SLC35F4: variants seen among roughly 807,000 people sequenced by gnomAD.
The protein encoded by SLC35F4 is solute carrier family 35 member F4, also known as chromosome 14 open reading frame 36.
SLC35F4 carries 24 observed loss-of-function variants against 44.2 expected under a neutral mutation model. The ratio of observed to expected loss-of-function variants is 0.54; its 90% confidence interval spans 0.39 to 0.76. SLC35F4 has a LOEUF of 0.76. Among genes scored for constraint, SLC35F4 ranks in the 30% least tolerant of loss-of-function variants. SLC35F4 has a pLI of 0.00. For synonymous variants in SLC35F4, 238 were observed against 223.6 expected (o/e 1.06, Z -0.57); for missense variants, 562 against 586.1 (o/e 0.96, Z 0.42).
intron 1 of SLC35F4, among the ~76,000 whole-genome samples, chr14:57,781,355 C>T (rs1030019203): frequency 2.0e-5 from 3 of 152,118 alleles, no homozygotes; most frequent in Admixed American, 2.0e-4. Flanking sequence ...CAAATCAAAA[C>T]CATAATAGGT....
intron 1 of SLC35F4, chr14:57,596,241 C>A: frequency 6.4e-6 from 1 of 156,114 alleles, no homozygotes; most frequent in Admixed American, 6.3e-5. Flanking sequence ...TACAGTTACT[C>A]AGAAAGTTAA....
At position 57,621,267 on chromosome 14, in the gene SLC35F4, C is replaced by T. The variant is rs1384880512; in HGVS notation, c.104-27143G>A. Among the ~76,000 whole-genome samples, 550 of 147,802 alleles carry T rather than the reference C, an allele frequency of 3.7e-3. 7 individuals carry two copies. Among genetic ancestry groups the T allele is most frequent in the African/African-American group, 0.013 (537 of 40,846 alleles). ...CCAAGGTAATTTACAGATTCAATGC[C>T]ATCCCCATCAAGCTACCAATGACTT... On this transcript the variant is annotated intron_variant, in intron 1 of 7. Transcript: ENST00000556826.
intron 1 of SLC35F4, among the ~76,000 whole-genome samples, chr14:57,633,079 C>T (rs1042837625): frequency 3.9e-5 from 6 of 152,116 alleles, no homozygotes; most frequent in African/African-American, 1.4e-4. Context: ...TCATTTAACA[C>T]TCAATAATAT....
intron 1 of SLC35F4, among the ~76,000 whole-genome samples, chr14:57,882,815 TC>T (rs1888565161): frequency 6.6e-6 from 1 of 152,158 alleles, no homozygotes; most frequent in African/African-American, 2.4e-5. Flanking sequence ...TCTTCACCTC[TC>T]CCTGTATCCA....
chr14:57,584,734 T>A (rs187106496), intron 3 of SLC35F4, among the ~76,000 whole-genome samples: 1 of 152,168 alleles, frequency 6.6e-6, no homozygotes, highest in East Asian at 1.9e-4. Context: ...AAAACAACAC[T>A]TCTGCTAGCA....
chr14:57,907,132 G>A (rs1168424694), intron 1 of SLC35F4, among the ~76,000 whole-genome samples: 1 of 152,102 alleles, frequency 6.6e-6, no homozygotes, highest in African/African-American at 2.4e-5. Flanking sequence ...TGTTGTCCAG[G>A]CTGAGGGGCA....
At chr14:57,663,805 C>T (rs762227350) in intron 1 of SLC35F4, among the ~76,000 whole-genome samples, 8 of 152,188 alleles carry the variant, frequency 5.3e-5, no homozygotes, top group Middle Eastern at 6.8e-3. Flanking sequence ...TTAGTCCATG[C>T]CAAGAAAATA....
At chr14:57,648,232 G>A (rs548064117) in intron 1 of SLC35F4, among the ~76,000 whole-genome samples, 2 of 152,250 alleles carry the variant, frequency 1.3e-5, no homozygotes, top group South Asian at 4.1e-4. Flanking sequence ...ATGGCACAGA[G>A]GATGTTATAG....
intron 1 of SLC35F4, among the ~76,000 whole-genome samples, chr14:57,965,863 T>C (rs371903300): frequency 1.3e-3 from 198 of 152,280 alleles, no homozygotes; most frequent in African/African-American, 4.3e-3. Flanking sequence ...TAACCACCCA[T>C]TCCAAGGCTC....
chr14:57,619,772 T>C (rs2072071923), intron 1 of SLC35F4, among the ~76,000 whole-genome samples: 1 of 152,002 alleles, frequency 6.6e-6, no homozygotes, highest in African/African-American at 2.4e-5. Context: ...TCTAATGAAA[T>C]GCAAGGAAGC....
intron 1 of SLC35F4, 63 bp from the exon 2 acceptor site, chr14:57,594,187 T>C (rs745881361): frequency 5.4e-5 from 78 of 1,440,346 alleles, no homozygotes; most frequent in Non-Finnish European, 7.1e-5. Context: ...TAGATTTTAT[T>C]ATTTATTTAA....
intron 1 of SLC35F4, among the ~76,000 whole-genome samples, chr14:57,861,469 A>C (rs1887674192): frequency 6.6e-6 from 1 of 152,214 alleles, no homozygotes; most frequent in Non-Finnish European, 1.5e-5. Context: ...TCTTTAAAGA[A>C]AGAAAAACTT....
At chr14:57,567,725 G>C (rs1465719981) in intron 6 of SLC35F4, among the ~76,000 whole-genome samples, 1 of 152,184 alleles carries the variant, frequency 6.6e-6, no homozygotes, top group African/African-American at 2.4e-5. Context: ...CGCAAATTCT[G>C]ACCAATCAGG....
chr14:57,961,440 A>T (rs1193266838), intron 1 of SLC35F4, among the ~76,000 whole-genome samples: 2 of 152,168 alleles, frequency 1.3e-5, no homozygotes, highest in Non-Finnish European at 2.9e-5. Flanking sequence ...ATGAAACCAC[A>T]GGGCAAGTCA....
intron 1 of SLC35F4, among the ~76,000 whole-genome samples, chr14:57,707,978 CT>C: frequency 6.6e-6 from 1 of 152,296 alleles, no homozygotes; most frequent in East Asian, 1.9e-4. Context: ...AAAATACCCC[CT>C]TATTTCCTAG....
At chr14:57,709,252 CT>C (rs1269113560) in intron 1 of SLC35F4, among the ~76,000 whole-genome samples, 3 of 152,102 alleles carry the variant, frequency 2.0e-5, no homozygotes, top group African/African-American at 7.2e-5. Flanking sequence ...CCATGGTCCA[CT>C]TGGCAATGGG....
chr14:57,838,222 G>A (rs1252875999), intron 1 of SLC35F4, among the ~76,000 whole-genome samples: 1 of 152,188 alleles, frequency 6.6e-6, no homozygotes, highest in African/African-American at 2.4e-5. Flanking sequence ...GCAGGTTTTG[G>A]AAAAGCGAGG....
At chr14:57,594,916 C>G (rs139516171) in intron 1 of SLC35F4, among the ~76,000 whole-genome samples, 2,020 of 152,310 alleles carry the variant, frequency 0.013, 13 homozygotes, top group Non-Finnish European at 0.02. Context: ...AATATAGTCA[C>G]ATAGGGTGCT....
At chr14:57,957,751 A>G (rs942973598) in intron 1 of SLC35F4, among the ~76,000 whole-genome samples, 1 of 152,184 alleles carries the variant, frequency 6.6e-6, no homozygotes. Flanking sequence ...TTGAATACCA[A>G]TTCTGGCACC....
Sources: gnomAD v4.1 joint callset for allele counts (sites outside exome capture counted in the v4.1 genomes callset) on GRCh38, gnomAD v4.1.1 for gene constraint, MANE v1.5 for transcripts, NCBI Gene and HGNC (gene_info 2026-07-23, HGNC 2026-07-21) for gene names.